Variants in PGS1 observed in about 807,000 individuals in gnomAD.
The protein encoded by PGS1 is phosphatidylglycerophosphate synthase 1, also known as CDP-diacylglycerol--glycerol-3-phosphate 3-phosphatidyltransferase, mitochondrial.
A neutral mutation model predicts 58.3 loss-of-function variants in PGS1; 44 were observed. That is an observed-to-expected ratio of 0.75 (90% CI 0.59 to 0.97). PGS1 has a LOEUF of 0.97. PGS1 is among the 50% of genes least tolerant of loss of function. The pLI is 0.00. For missense variants in PGS1, 684 were observed against 731.1 expected (o/e 0.94, Z 0.74); for synonymous variants, 330 against 311.0 (o/e 1.06, Z -0.64).
chr17:78,421,144 G>A (rs2085695785), intron 9 of PGS1: 1 of 152,138 alleles, frequency 6.6e-6, no homozygotes, highest in South Asian at 2.1e-4. Flanking sequence ...TAGTAGCAGG[G>A]GATTTTGAAT....
At chr17:78,423,740 C>T (rs1411280275) in intron 9 of PGS1, 1 of 902,388 alleles carries the variant, frequency 1.1e-6, no homozygotes, top group Non-Finnish European at 1.7e-6. Flanking sequence ...TCTTCCACAC[C>T]AACCTCCACC....
intron 7 of PGS1, among the ~76,000 whole-genome samples, chr17:78,411,219 G>A (rs978264273): frequency 5.3e-5 from 8 of 152,176 alleles, no homozygotes; most frequent in Non-Finnish European, 1.0e-4. Flanking sequence ...GAACAGCAGG[G>A]GCACTGGGAG....
intron 8 of PGS1, 48 bp from the exon 9 acceptor site, chr17:78,419,495 TGTG>T: frequency 2.0e-6 from 3 of 1,518,576 alleles, no homozygotes; most frequent in Non-Finnish European, 2.7e-6. Flanking sequence ...GGCCATGTGG[TGTG>T]GTGCTGGAGG....
At chr17:78,398,651 A>G (rs1280323021) in intron 4 of PGS1, among the ~76,000 whole-genome samples, 2 of 152,374 alleles carry the variant, frequency 1.3e-5, no homozygotes, top group Admixed American at 1.3e-4. Flanking sequence ...AGCCTGGGCA[A>G]CATAGCCAGA....
At chr17:78,399,088 T>C (rs7219215) in intron 4 of PGS1, among the ~76,000 whole-genome samples, 18,000 of 152,234 alleles carry the variant, frequency 0.12, 1,329 homozygotes, top group East Asian at 0.26. Context: ...TGGGTGCAGT[T>C]ACCAGGAGAA....
Position 78,403,999 on chromosome 17 carries a change from C to G in PGS1, c.1312C>G (p.Gln438Glu). The G allele has an allele frequency of 6.2e-7, 1 of 1,613,816 alleles. No homozygotes were observed. The highest frequency in any genetic ancestry group is 1.1e-5 in the South Asian group (1 of 91,078). Residue 438 changes from glutamine (Q) to glutamate (E), a missense_variant, in exon 7 of 10, where the codon CAG becomes GAG. By Grantham distance (29) the Gln-to-Glu change is conservative (BLOSUM62 2). Transcript: ENST00000262764. The stretch of plus-strand genomic sequence containing the variant: ...AGCGGCCTATGTGCACATCGAGCGA[C>G]AGTTCTTCAGTGAGGTGTGCAGCCT... ...IPAAYVHIER[Q>E]FFSEVCSLGQ...
rs369633444 is a variant in PGS1, at chr17:78,424,121, C to T, written c.*71C>T. The stretch of plus-strand genomic sequence containing the variant: ...GTCAGCTCTTTCAGCCGCGCTTCAG[C>T]GATGACTCCAGTCTGGGTGTCCCAG... On this transcript the variant is annotated 3_prime_UTR_variant, in exon 10 of 10. Transcript: ENST00000262764. The T allele has an allele frequency of 6.1e-5, 98 of 1,613,214 alleles. No homozygotes were observed. The highest frequency in any genetic ancestry group is 4.7e-4 in the East Asian group (21 of 44,896).
intron 1 of PGS1, among the ~76,000 whole-genome samples, chr17:78,389,119 A>G (rs1036655830): frequency 1.1e-4 from 15 of 136,366 alleles, no homozygotes; most frequent in Non-Finnish European, 1.5e-4. Context: ...TTGGAGTGCA[A>G]TGGTGTGATC....
In PGS1 at chr17:78,404,066, G is replaced by T; in HGVS notation, c.1379G>T (p.Arg460Met). ...ERVQLQEYWR[R>M]GWTFHAKGLW... ...GTCCAGCTTCAGGAGTACTGGCGGA[G>T]GGGCTGGACGTTCCACGCCAAAGGT... Residue 460 changes from arginine to methionine, a missense_variant, in exon 7 of 10, where the codon AGG (arginine) becomes ATG (methionine). Physicochemically the swap from Arg to Met is moderately conservative, Grantham distance 91. Coordinates refer to ENST00000262764, the MANE Select transcript of PGS1 (RefSeq NM_024419.5). The T allele has an allele frequency of 6.3e-7, 1 of 1,587,542 alleles. No homozygotes were observed.
chr17:78,390,773 A>G (rs1246398294), intron 1 of PGS1, among the ~76,000 whole-genome samples: 4 of 152,122 alleles, frequency 2.6e-5, no homozygotes, highest in Non-Finnish European at 4.4e-5. Flanking sequence ...AGCAGCAGAA[A>G]TGAAGTTCTG....
chr17:78,423,863 G>A, intron 9 of PGS1, 198 bp from the exon 10 acceptor site: 1 of 1,607,186 alleles, frequency 6.2e-7, no homozygotes, highest in Non-Finnish European at 8.5e-7. Context: ...GGGCTGAGTT[G>A]TGGTCCAGCC....
chr17:78,399,280 G>A, intron 4 of PGS1, 68 bp from the exon 5 acceptor site: 2 of 1,250,388 alleles, frequency 1.6e-6, no homozygotes, highest in South Asian at 2.5e-5. Context: ...ACGTGGAGGT[G>A]GCTCCTCATT....
chr17:78,378,774 C>T lies in PGS1; in HGVS notation c.109C>T (p.Arg37Cys), dbSNP rs540407963. The change falls in exon 1 of 10, where the codon CGC becomes TGC. Residue 37 changes from arginine (R) to cysteine (C), a missense_variant. Coordinates refer to ENST00000262764, the MANE Select transcript of PGS1 (RefSeq NM_024419.5). Reference sequence around the variant, plus strand: ...CGCGCTCCTGGGACGCCTGTCCGACCGCCTCGGCAGGAACCGGGACCGCCA... The same window carrying T: ...CGCGCTCCTGGGACGCCTGTCCGACTGCCTCGGCAGGAACCGGGACCGCCA... ...LAALLGRLSD[R>C]LGRNRDRQRR... 52 of 1,491,444 alleles carry T rather than the reference C, an allele frequency of 3.5e-5. No individual in the cohort carries two copies. The highest frequency in any genetic ancestry group is 2.7e-5 in the Non-Finnish European group (31 of 1,127,684). The allele number at this position is 1,491,444 out of a possible 1,614,324, so 92.4% of individuals were successfully genotyped here. A position where few individuals can be genotyped will look rare whatever the true frequency, so the allele number is the denominator to read the frequency against.
At chr17:78,388,953 C>G (rs2082601551) in intron 1 of PGS1, among the ~76,000 whole-genome samples, 1 of 150,510 alleles carries the variant, frequency 6.6e-6, no homozygotes, top group Non-Finnish European at 1.5e-5. Context: ...CATGGTATGT[C>G]ATATGTGCTT....
At chr17:78,402,134 T>C (rs2083724169) in intron 6 of PGS1, among the ~76,000 whole-genome samples, 1 of 152,114 alleles carries the variant, frequency 6.6e-6, no homozygotes, top group African/African-American at 2.4e-5. Flanking sequence ...GGTGTTGGCA[T>C]CAACAGGCTA....
intron 8 of PGS1, among the ~76,000 whole-genome samples, chr17:78,418,811 C>T (rs1437059810): frequency 6.6e-6 from 1 of 152,030 alleles, no homozygotes; most frequent in African/African-American, 2.4e-5. Flanking sequence ...AATGACATCA[C>T]AGATGTCATT....
chr17:78,387,194 G>T (rs62075737), intron 1 of PGS1, among the ~76,000 whole-genome samples: 5 of 152,004 alleles, frequency 3.3e-5, no homozygotes, highest in Non-Finnish European at 7.4e-5. Context: ...AGTAGAGATG[G>T]GGTTTTGCCA....
chr17:78,419,961 C>T (rs2085552584), intron 9 of PGS1: 2 of 1,190,362 alleles, frequency 1.7e-6, no homozygotes, highest in Non-Finnish European at 2.1e-6. Flanking sequence ...GCTCTCCCTT[C>T]CCAGGGGGTC....
intron 1 of PGS1, among the ~76,000 whole-genome samples, chr17:78,386,424 A>G (rs1009159660): frequency 1.3e-5 from 2 of 152,130 alleles, no homozygotes; most frequent in Non-Finnish European, 2.9e-5. Flanking sequence ...CAAGGGTGGC[A>G]GAAGGTTATT....
Sources: gnomAD v4.1 joint callset for allele counts (sites outside exome capture counted in the v4.1 genomes callset) on GRCh38, gnomAD v4.1.1 for gene constraint, MANE v1.5 for transcripts, NCBI Gene and HGNC (gene_info 2026-07-23, HGNC 2026-07-21) for gene names.